Variants in CDK6 observed in about 807,000 individuals in gnomAD.
CDK6 encodes cyclin-dependent kinase 6.
Under a neutral mutation model 37.1 loss-of-function variants are expected in CDK6, and 6 were observed. That is an observed-to-expected ratio of 0.16 (90% CI 0.09 to 0.32). The LOEUF (loss-of-function observed/expected upper bound fraction) is 0.32. Ranked by LOEUF, CDK6 falls within the 10% of genes least tolerant of loss-of-function variation. The pLI, the probability that CDK6 is intolerant of heterozygous loss-of-function variation, is 1.00. For missense variants in CDK6, 224 were observed against 418.9 expected (o/e 0.53, Z 4.06); for synonymous variants, 160 against 161.3 (o/e 0.99, Z 0.06).
At chr7:92,622,998 G>GTCA (rs748695305) in intron 6 of CDK6, 38 bp downstream of exon 6, 1 of 1,277,534 alleles carries the variant, frequency 7.8e-7, no homozygotes, top group East Asian at 2.4e-5. Flanking sequence ...ATGTTTTAAT[G>GTCA]CTATGGACAC....
chr7:92,710,692 C>A (rs1231981007), intron 4 of CDK6: 1 of 985,108 alleles, frequency 1.0e-6, no homozygotes, highest in African/African-American at 1.7e-5. Flanking sequence ...GAGACCAAAG[C>A]AGAATTGCCT....
chr7:92,696,598 T>C (rs1797723581), intron 4 of CDK6, among the ~76,000 whole-genome samples: 1 of 152,184 alleles, frequency 6.6e-6, no homozygotes, highest in African/African-American at 2.4e-5. Context: ...GTTTGATATG[T>C]CAGGGACCAG....
intron 5 of CDK6, among the ~76,000 whole-genome samples, chr7:92,660,740 C>A (rs1241434389): frequency 1.3e-5 from 2 of 152,028 alleles, no homozygotes; most frequent in African/African-American, 4.8e-5. Flanking sequence ...GACTTGGATA[C>A]AGAAGGATGA....
chr7:92,832,131 A>G (rs1801501821), intron 2 of CDK6, among the ~76,000 whole-genome samples: 2 of 152,336 alleles, frequency 1.3e-5, no homozygotes, highest in Admixed American at 6.5e-5. Flanking sequence ...TTCCTTTTCA[A>G]TGTAAAGCTA....
rs1801621056 is a variant in CDK6 at position 92,835,157 on chromosome 7, C to T, written c.-368+1321G>A. On this transcript the variant is annotated intron_variant, in intron 1 of 7. Coordinates refer to ENST00000424848, the MANE Select transcript of CDK6 (RefSeq NM_001145306.2). The surrounding 1 kb of genome is among the most constrained non-coding windows in gnomAD (Gnocchi z 4.2). ...TGGCACTCACTACATTCAGAACTTT[C>T]CTTAAAAGCCGAGGAAAGAGCCCCC... The T allele has an allele frequency of 6.6e-6, 1 of 152,244 alleles. No homozygotes were observed. Among genetic ancestry groups the T allele is most frequent in the Non-Finnish European group, 1.5e-5 (1 of 68,076 alleles). 9.4% of individuals were successfully genotyped at this position (152,244 alleles called of 1,614,324 possible). A position where few individuals can be genotyped will look rare whatever the true frequency, so the allele number is the denominator to read the frequency against.
intron 4 of CDK6, among the ~76,000 whole-genome samples, chr7:92,715,363 A>G (rs766065709): frequency 2.0e-5 from 3 of 152,104 alleles, no homozygotes; most frequent in Admixed American, 1.3e-4. Context: ...AGATTCTGCC[A>G]GCCTTCAAAA....
chr7:92,782,296 C>T (rs543721331), intron 2 of CDK6, among the ~76,000 whole-genome samples: 9 of 152,276 alleles, frequency 5.9e-5, no homozygotes, highest in African/African-American at 1.7e-4. Context: ...TAAATTTATT[C>T]TACATCCTAT....
At chr7:92,618,487 AAT>A (rs1451849173) in intron 6 of CDK6, among the ~76,000 whole-genome samples, 1 of 152,212 alleles carries the variant, frequency 6.6e-6, no homozygotes, top group Admixed American at 6.5e-5. Context: ...ATGATGTAGA[AAT>A]AGAAAATATA....
At chr7:92,669,807 CTGT>C (rs1034485765) in intron 5 of CDK6, among the ~76,000 whole-genome samples, 1 of 152,246 alleles carries the variant, frequency 6.6e-6, no homozygotes, top group Admixed American at 6.5e-5. Context: ...CCTGGTCATA[CTGT>C]CATCCAACCC....
intron 2 of CDK6, among the ~76,000 whole-genome samples, chr7:92,789,782 C>T (rs1466629678): frequency 6.6e-6 from 1 of 152,202 alleles, no homozygotes; most frequent in Non-Finnish European, 1.5e-5. Context: ...AAAGTATATA[C>T]TATTACTCTC....
At chr7:92,791,513 C>T (rs1169850802) in intron 2 of CDK6, among the ~76,000 whole-genome samples, 1 of 152,156 alleles carries the variant, frequency 6.6e-6, no homozygotes, top group Non-Finnish European at 1.5e-5. Context: ...CAGACCAACA[C>T]TGCAAAGCCC....
intron 2 of CDK6, among the ~76,000 whole-genome samples, chr7:92,830,312 T>C (rs1801441387): frequency 6.6e-6 from 1 of 152,210 alleles, no homozygotes; most frequent in Admixed American, 6.5e-5. Context: ...TTCTGGCAAA[T>C]CCATCAAAAT....
intron 4 of CDK6, among the ~76,000 whole-genome samples, chr7:92,696,468 C>CA (rs1797721516): frequency 1.3e-5 from 2 of 152,008 alleles, no homozygotes; most frequent in African/African-American, 4.8e-5. Context: ...CAAAATCTTA[C>CA]CATATATGTG....
At chr7:92,745,020 T>C (rs1267526104) in intron 3 of CDK6, among the ~76,000 whole-genome samples, 3 of 152,192 alleles carry the variant, frequency 2.0e-5, no homozygotes, top group African/African-American at 7.2e-5. Flanking sequence ...AATGTGATGT[T>C]TTGATAAATG....
Position 92,725,732 on chromosome 7 carries a change from C to T in CDK6, c.431G>A (p.Arg144His), listed in dbSNP as rs2116710164. 6.2e-7 allele frequency: 1 copy of T among 1,613,954 alleles called. No individual in the cohort carries two copies. The highest frequency in any genetic ancestry group is 1.1e-5 in the South Asian group (1 of 91,082). ...CAGAATGTTCTGTGGTTTTAGATCG[C>T]GATGCACTACTCGGTGTGAATGAAG... ...DFLHSHRVVHRDLKPQNILVT... is the reference protein window; with the variant it reads ...DFLHSHRVVHHDLKPQNILVT... Residue 144 changes from arginine (R) to histidine (H), a missense_variant, in exon 4 of 8, where the codon CGC becomes CAC. By Grantham distance (29) the Arg-to-His change is conservative. Coordinates refer to ENST00000424848, the MANE Select transcript of CDK6 (RefSeq NM_001145306.2).
intron 2 of CDK6, among the ~76,000 whole-genome samples, chr7:92,795,863 C>T (rs1800395132): frequency 6.6e-6 from 1 of 151,992 alleles, no homozygotes. Context: ...AAGCATTAGC[C>T]TATTAAGTAC....
chr7:92,788,510 T>G (rs1463329248), intron 2 of CDK6, among the ~76,000 whole-genome samples: 1 of 152,236 alleles, frequency 6.6e-6, no homozygotes, highest in Admixed American at 6.5e-5. Flanking sequence ...TTTCTTGACT[T>G]TTTAAGCACA....
chr7:92,774,298 A>C (rs1799789224), intron 3 of CDK6, among the ~76,000 whole-genome samples: 1 of 152,230 alleles, frequency 6.6e-6, no homozygotes, highest in Non-Finnish European at 1.5e-5. Context: ...CATAATATAC[A>C]ATGTGCTCAT....
At position 92,834,292 on chromosome 7, in the gene CDK6, C is replaced by T. The variant is rs1801585084; in HGVS notation, c.-367-602G>A. Among the ~76,000 whole-genome samples, 1 of 151,748 alleles carries T rather than the reference C, an allele frequency of 6.6e-6. No homozygotes were observed. Among genetic ancestry groups the T allele is most frequent in the Non-Finnish European group, 1.5e-5 (1 of 67,948 alleles). On this transcript the variant is annotated intron_variant, in intron 1 of 7. Coordinates refer to ENST00000424848, the MANE Select transcript of CDK6 (RefSeq NM_001145306.2). The surrounding 1 kb of genome is among the most constrained non-coding windows in gnomAD (Gnocchi z 4.6). ...CAGACATCTGCTCAGAAATTGCTTC[C>T]TTTCTTTCTACTTTCAGTTTTTCTA...
Sources: gnomAD v4.1 joint callset for allele counts (sites outside exome capture counted in the v4.1 genomes callset) on GRCh38, gnomAD v4.1.1 for gene constraint, Gnocchi (gnomAD v3.1) non-coding constraint, MANE v1.5 for transcripts, NCBI Gene and HGNC (gene_info 2026-07-23, HGNC 2026-07-21) for gene names.